UIMC1: variants seen among roughly 807,000 people sequenced by gnomAD.
The protein encoded by UIMC1 is ubiquitin interaction motif containing 1.
Under a neutral mutation model 84.9 loss-of-function variants are expected in UIMC1, and 42 were observed. The observed-to-expected ratio is 0.49, with a 90% CI of 0.39 to 0.64. The LOEUF (loss-of-function observed/expected upper bound fraction) is 0.64. Among genes scored for constraint, UIMC1 ranks in the 30% least tolerant of loss-of-function variants. The probability of loss-of-function intolerance (pLI) is 0.00; values close to 1 mark genes in which losing one functional copy is unlikely to be tolerated. For synonymous variants in UIMC1, 281 were observed against 293.0 expected, an observed-to-expected ratio of 0.96 and a Z score of 0.42; for missense variants, 825 against 847.6, an observed-to-expected ratio of 0.97 and a Z score of 0.33.
intron 8 of UIMC1, among the ~76,000 whole-genome samples, chr5:176,953,489 G>GACACACAC (rs1347190087): frequency 8.0e-4 from 66 of 82,636 alleles, no homozygotes; most frequent in African/African-American, 6.3e-3. Flanking sequence ...TTGAAAACTG[G>GACACACAC]ACACATACAC....
At chr5:176,987,822 T>G (rs1231314041) in intron 1 of UIMC1, among the ~76,000 whole-genome samples, 2 of 136,720 alleles carry the variant, frequency 1.5e-5, no homozygotes, top group African/African-American at 5.6e-5. Context: ...AGACCCTGTC[T>G]CACAAAAAAA....
chr5:176,970,269 CTCA>C (rs1769001296), intron 4 of UIMC1: 2 of 142,686 alleles, frequency 1.4e-5, no homozygotes, highest in Admixed American at 8.1e-5. Flanking sequence ...GAGACTCCAT[CTCA>C]AAAAAAAAAA....
chr5:176,938,590 A>C (rs1480152991), intron 10 of UIMC1, among the ~76,000 whole-genome samples: 1 of 152,168 alleles, frequency 6.6e-6, no homozygotes, highest in Non-Finnish European at 1.5e-5. Flanking sequence ...AAAAATCAAC[A>C]GAGAGCTCTC....
chr5:176,926,760 CAT>C (rs1402747319), intron 10 of UIMC1, among the ~76,000 whole-genome samples: 4 of 151,738 alleles, frequency 2.6e-5, no homozygotes, highest in African/African-American at 4.8e-5. Flanking sequence ...AAAAAATATA[CAT>C]ATGAGAAAGA....
chr5:176,947,561 G>C (rs1765289544), intron 9 of UIMC1, among the ~76,000 whole-genome samples: 1 of 152,154 alleles, frequency 6.6e-6, no homozygotes, highest in South Asian at 2.1e-4. Flanking sequence ...GCTCACGCCT[G>C]TAATCCCAGC....
At chr5:177,007,340 CAAAAAA>C (rs56871601), upstream of UIMC1, among the ~76,000 whole-genome samples, 7 of 58,394 alleles carry the variant, frequency 1.2e-4, no homozygotes, top group African/African-American at 2.5e-4. Context: ...GACTCCGTCT[CAAAAAA>C]AAAAAAAAAA....
At chr5:176,929,071 G>A (rs1370018415) in intron 10 of UIMC1, among the ~76,000 whole-genome samples, 1 of 151,656 alleles carries the variant, frequency 6.6e-6, no homozygotes, top group African/African-American at 2.4e-5. Flanking sequence ...GGCCAATATA[G>A]TGAAACCCTG....
chr5:177,008,786 G>A (rs1359020470), upstream of UIMC1, among the ~76,000 whole-genome samples: 1 of 152,136 alleles, frequency 6.6e-6, no homozygotes, highest in African/African-American at 2.4e-5. Flanking sequence ...ATGATGGCAT[G>A]TCATTTCCAA....
intron 3 of UIMC1, among the ~76,000 whole-genome samples, chr5:176,974,073 A>G (rs1331026552): frequency 1.3e-5 from 2 of 152,298 alleles, no homozygotes; most frequent in East Asian, 3.9e-4. Flanking sequence ...AACAGTAGTA[A>G]TAAACAAATA....
At chr5:176,961,909 C>CT (rs1437719253) in intron 6 of UIMC1, among the ~76,000 whole-genome samples, 30 of 59,350 alleles carry the variant, frequency 5.1e-4, no homozygotes, top group Admixed American at 6.6e-4. Flanking sequence ...ATCGGCCCCC[C>CT]GCCCGGCCAG....
intron 1 of UIMC1, among the ~76,000 whole-genome samples, chr5:177,012,538 C>T (rs189867893): frequency 9.9e-5 from 15 of 152,012 alleles, no homozygotes; most frequent in African/African-American, 2.7e-4. Context: ...ACTAAAAATA[C>T]GAAAACTAGC....
In UIMC1 at chr5:177,021,233, G is replaced by A. The variant is rs112093775; in HGVS notation, c.-9+1231C>T. On this transcript the variant is annotated intron_variant, in intron 1 of 5. Transcript: ENST00000509236. ...ACGGAAGCTGCAGTGAGCCGAGATC[G>A]CGTCACTGCACTCCAACCTGGCGAC... Among the ~76,000 whole-genome samples, 45 of 152,260 alleles carry A rather than the reference G, an allele frequency of 3.0e-4. 1 individual carries two copies. Among genetic ancestry groups the A allele is most frequent in the African/African-American group, 9.9e-4 (41 of 41,548 alleles).
At chr5:176,979,886 G>A (rs982868663) in intron 2 of UIMC1, among the ~76,000 whole-genome samples, 5 of 152,100 alleles carry the variant, frequency 3.3e-5, no homozygotes, top group Non-Finnish European at 4.4e-5. Flanking sequence ...GTGTCTGTCC[G>A]GGTGTTTGCA....
chr5:176,943,410 A>G lies in UIMC1; in HGVS notation c.1522T>C (p.Cys508Arg), dbSNP rs1041929387. 21 of 1,614,232 alleles carry G rather than the reference A, an allele frequency of 1.3e-5. No individual in the cohort carries two copies. Among genetic ancestry groups the G allele is most frequent in the Non-Finnish European group, 1.8e-5 (21 of 1,180,044 alleles). ...SSSNQVSCPLCDQCFPPTKIE... is the reference protein window; with the variant it reads ...SSSNQVSCPLRDQCFPPTKIE... ...TTTGTGGGTGGAAAGCATTGGTCAC[A>G]TAGCGGGCAGGATACCTGGTTACTG... The change falls in exon 10 of 15, where the codon TGT (cysteine) becomes CGT (arginine). Residue 508 changes from cysteine (C) to arginine (R), a missense_variant. By Grantham distance (180) the Cys-to-Arg change is radical. Transcript: ENST00000511320.
intron 1 of UIMC1, among the ~76,000 whole-genome samples, chr5:177,021,057 A>G (rs1449092487): frequency 6.6e-6 from 1 of 152,164 alleles, no homozygotes; most frequent in Non-Finnish European, 1.5e-5. Context: ...AGGCAGGCAG[A>G]TTATGAGATC....
intron 1 of UIMC1, among the ~76,000 whole-genome samples, chr5:177,014,090 C>G (rs940395436): frequency 8.9e-6 from 1 of 111,844 alleles, no homozygotes; most frequent in African/African-American, 3.5e-5. Context: ...GACAGAGTTT[C>G]GCTCTTGTTG....
intron 1 of UIMC1, among the ~76,000 whole-genome samples, chr5:176,996,237 A>C (rs907733931): frequency 4.6e-5 from 7 of 152,178 alleles, no homozygotes; most frequent in African/African-American, 1.7e-4. Flanking sequence ...GAAAAAAACT[A>C]ATCAACAGTT....
chr5:177,003,464 C>T (rs928344919), intron 1 of UIMC1, among the ~76,000 whole-genome samples: 2 of 152,058 alleles, frequency 1.3e-5, no homozygotes, highest in East Asian at 3.9e-4. Flanking sequence ...ACCAGCCTGA[C>T]CAACAGGGTG....
Position 176,960,633 on chromosome 5 carries a change from G to A in UIMC1, c.1201-2479C>T, listed in dbSNP as rs1379273198. Among the ~76,000 whole-genome samples the A allele has an allele frequency of 1.3e-3, 2 of 1,516 alleles. 1 individual carries two copies. Among genetic ancestry groups the A allele is most frequent in the Non-Finnish European group, 2.6e-3 (2 of 782 alleles). The allele number at this position is 1,516 out of a possible 152,430, so 1.0% of individuals were successfully genotyped here. A position where few individuals can be genotyped will look rare whatever the true frequency, so the allele number is the denominator to read the frequency against. ...CCTCTCCCCCTCCCCCTCCCCCTCC[G>A]TCTCCGTCTCCGTCTCCGTCTCCGT... On this transcript the variant is annotated intron_variant, in intron 6 of 14. Coordinates refer to ENST00000511320, the MANE Select transcript of UIMC1 (RefSeq NM_001199298.2).
Sources: gnomAD v4.1 joint callset for allele counts (sites outside exome capture counted in the v4.1 genomes callset) on GRCh38, gnomAD v4.1.1 for gene constraint, MANE v1.5 for transcripts, NCBI Gene and HGNC (gene_info 2026-07-23, HGNC 2026-07-21) for gene names.